Variants in SCN8A observed in about 807,000 individuals in gnomAD.
The protein encoded by SCN8A is sodium voltage-gated channel alpha subunit 8.
SCN8A carries 30 observed loss-of-function variants against 184.1 expected under a neutral mutation model. The observed-to-expected ratio is 0.16, with a 90% CI of 0.12 to 0.22. The LOEUF is 0.22. Among genes scored for constraint, SCN8A ranks in the 10% least tolerant of loss-of-function variants. The pLI is 1.00. For synonymous variants in SCN8A, 852 were observed against 907.0 expected, an observed-to-expected ratio of 0.94 and a Z score of 1.09; for missense variants, 1,057 against 2,498.9, an observed-to-expected ratio of 0.42 and a Z score of 12.30.
chr12:51,729,194 T>C (rs181509185), intron 12 of SCN8A, among the ~76,000 whole-genome samples: 222 of 152,302 alleles, frequency 1.5e-3, no homozygotes, highest in African/African-American at 5.0e-3. Context: ...TGGTAGGACA[T>C]TGGGTAAGCC....
At chr12:51,605,714 A>G (rs796294276) in intron 1 of SCN8A, among the ~76,000 whole-genome samples, 10 of 152,184 alleles carry the variant, frequency 6.6e-5, no homozygotes, top group Non-Finnish European at 1.2e-4. Flanking sequence ...CCCACCAGCA[A>G]TGTAGAAGTG....
chr12:51,601,241 T>C (rs1055447968), intron 1 of SCN8A, among the ~76,000 whole-genome samples: 10 of 152,198 alleles, frequency 6.6e-5, no homozygotes, highest in Admixed American at 2.0e-4. Context: ...AGTAATATTT[T>C]AGTAGATCTA....
At chr12:51,597,284 C>T (rs909256045) in intron 1 of SCN8A, among the ~76,000 whole-genome samples, 9 of 152,114 alleles carry the variant, frequency 5.9e-5, no homozygotes, top group Non-Finnish European at 1.2e-4. Context: ...CCTGTATTCA[C>T]TGGGCATGTC....
chr12:51,748,289 C>CAAG (rs1942544843), intron 13 of SCN8A, among the ~76,000 whole-genome samples: 1 of 152,100 alleles, frequency 6.6e-6, no homozygotes. Flanking sequence ...ATTTAAAACC[C>CAAG]AAGAGGCAGG....
At chr12:51,729,809 C>G (rs1056801208) in intron 12 of SCN8A, among the ~76,000 whole-genome samples, 1 of 152,124 alleles carries the variant, frequency 6.6e-6, no homozygotes, top group Admixed American at 6.5e-5. Context: ...TACACTTGCT[C>G]CACATCCTAG....
intron 2 of SCN8A, among the ~76,000 whole-genome samples, chr12:51,675,546 C>G (rs1276873049): frequency 6.6e-6 from 1 of 152,132 alleles, no homozygotes; most frequent in Non-Finnish European, 1.5e-5. Flanking sequence ...ACCAGATGAC[C>G]TGGTGCAGTA....
intron 12 of SCN8A, chr12:51,722,156 G>T: frequency 1.7e-6 from 1 of 589,450 alleles, no homozygotes; most frequent in South Asian, 2.3e-5. Context: ...TTTATTCTTT[G>T]CTCCATTTTC....
In SCN8A at chr12:51,662,985, C is replaced by T. The variant is rs1940955072; in HGVS notation, c.168C>T (p.Asn56=). The T allele has an allele frequency of 6.2e-7, 1 of 1,614,026 alleles. No individual in the cohort carries two copies. The highest frequency in any genetic ancestry group is 1.1e-5 in the South Asian group (1 of 91,078). ...ATGAGGACAGCAAGCCCAAGCCAAACAGCGACCTGGAAGCAGGGAAGAGTT... is the reference window on the plus strand; with the variant it reads ...ATGAGGACAGCAAGCCCAAGCCAAATAGCGACCTGGAAGCAGGGAAGAGTT... ...EDDEDSKPKP[N]SDLEAGKSLP... is the part of the protein sequence containing the mutation. The change falls in exon 2 of 27, where the codon AAC becomes AAT. Residue 56 remains asparagine, a synonymous_variant. Transcript: ENST00000627620.
intron 2 of SCN8A, among the ~76,000 whole-genome samples, chr12:51,681,231 G>A (rs187110123): frequency 2.6e-5 from 4 of 152,172 alleles, no homozygotes; most frequent in South Asian, 4.2e-4. Flanking sequence ...TCTTTGCCAC[G>A]TTGCCACTGA....
chr12:51,748,796 G>T (rs1482323522), intron 13 of SCN8A, among the ~76,000 whole-genome samples: 1 of 152,104 alleles, frequency 6.6e-6, no homozygotes, highest in African/African-American at 2.4e-5. Context: ...CCTTAGTGAG[G>T]GTGGGGGCTC....
chr12:51,670,206 G>A (rs1941107129), intron 2 of SCN8A, among the ~76,000 whole-genome samples: 1 of 152,196 alleles, frequency 6.6e-6, no homozygotes, highest in Non-Finnish European at 1.5e-5. Context: ...ACCTAGAGGA[G>A]AAGGAATTTA....
intron 11 of SCN8A, among the ~76,000 whole-genome samples, chr12:51,713,809 A>G (rs1253128815): frequency 1.3e-5 from 2 of 151,956 alleles, no homozygotes; most frequent in African/African-American, 4.8e-5. Flanking sequence ...GGACCTAAAA[A>G]CCTTTCTAAA....
intron 5 of SCN8A, among the ~76,000 whole-genome samples, chr12:51,688,142 T>C (rs1162949434): frequency 6.6e-6 from 1 of 152,232 alleles, no homozygotes; most frequent in Non-Finnish European, 1.5e-5. Context: ...AATTTTTAAG[T>C]GTCCTTGCTA....
At chr12:51,772,566 G>A (rs965179640) in intron 19 of SCN8A, among the ~76,000 whole-genome samples, 7 of 152,092 alleles carry the variant, frequency 4.6e-5, no homozygotes, top group African/African-American at 1.7e-4. Flanking sequence ...CAACAGATGG[G>A]GTTAAGGGGA....
At chr12:51,596,688 A>G (rs1191814696) in intron 1 of SCN8A, among the ~76,000 whole-genome samples, 1 of 152,214 alleles carries the variant, frequency 6.6e-6, no homozygotes, top group African/African-American at 2.4e-5. Context: ...CAGAGGATGT[A>G]TCAATAAGTA....
At chr12:51,683,967 A>G (rs1343558345) in intron 2 of SCN8A, among the ~76,000 whole-genome samples, 2 of 152,232 alleles carry the variant, frequency 1.3e-5, no homozygotes, top group East Asian at 1.9e-4. Flanking sequence ...CCAAGATTGC[A>G]TCAGCTATTT....
chr12:51,645,367 T>G (rs1279194298), intron 1 of SCN8A, among the ~76,000 whole-genome samples: 1 of 150,344 alleles, frequency 6.7e-6, no homozygotes, highest in African/African-American at 2.5e-5. Context: ...AGCTGCCCCG[T>G]CCGGGAGGTG....
At chr12:51,724,266 CA>C (rs1411341619) in intron 12 of SCN8A, among the ~76,000 whole-genome samples, 1 of 152,094 alleles carries the variant, frequency 6.6e-6, no homozygotes, top group Non-Finnish European at 1.5e-5. Context: ...GCCAACATGG[CA>C]AAACCTCCAT....
At position 51,672,570 on chromosome 12, in the gene SCN8A, C is replaced by T. The variant is rs1227312567; in HGVS notation, c.276+9477C>T. ...CACATTCTCCCTGGATGATCTCATCCAGCCTCAGTTCGAGGACTCCTGACT... is the reference window on the plus strand; with the variant it reads ...CACATTCTCCCTGGATGATCTCATCTAGCCTCAGTTCGAGGACTCCTGACT... On this transcript the variant is annotated intron_variant, in intron 2 of 26. Transcript: ENST00000627620. Among the ~76,000 whole-genome samples, 7 of 152,124 alleles carry T rather than the reference C, an allele frequency of 4.6e-5. No homozygotes were observed. In the East Asian group the frequency reaches 1.3e-3, roughly 29 times the overall value.
Sources: allele counts gnomAD v4.1 joint callset (sites outside exome capture counted in the v4.1 genomes callset), GRCh38; gene constraint gnomAD v4.1.1; transcripts MANE v1.5; gene names NCBI Gene and HGNC (gene_info 2026-07-23, HGNC 2026-07-21).